The following RCAN2 variants were observed in gnomAD, a reference collection of about 807,000 sequenced individuals.
The protein encoded by RCAN2 is calcipressin-2.
Under a neutral mutation model 23.6 loss-of-function variants are expected in RCAN2, and 9 were observed. The ratio of observed to expected loss-of-function variants is 0.38; its 90% confidence interval spans 0.23 to 0.67. The LOEUF (loss-of-function observed/expected upper bound fraction) is 0.67. Ranked by LOEUF, RCAN2 falls within the 30% of genes least tolerant of loss-of-function variation. The pLI, the probability that RCAN2 is intolerant of heterozygous loss-of-function variation, is 0.51. For missense variants in RCAN2, 273 were observed against 302.3 expected (o/e 0.90, Z 0.72); for synonymous variants, 109 against 115.7 (o/e 0.94, Z 0.37).
chr6:46,412,355 C>G (rs1218627808), intron 2 of RCAN2, among the ~76,000 whole-genome samples: 1 of 152,006 alleles, frequency 6.6e-6, no homozygotes, highest in East Asian at 1.9e-4. Flanking sequence ...TGGGAATGTT[C>G]AGTAGACAAA....
chr6:46,246,600 T>C (rs1044040945), intron 4 of RCAN2, 148 bp downstream of exon 4: 3 of 677,228 alleles, frequency 4.4e-6, no homozygotes, highest in Non-Finnish European at 7.3e-6. Flanking sequence ...TTCTCATCCA[T>C]CATTCCCTCT....
chr6:46,384,000 AG>A (rs1352034051), intron 2 of RCAN2, among the ~76,000 whole-genome samples: 1 of 152,142 alleles, frequency 6.6e-6, no homozygotes, highest in South Asian at 2.1e-4. Context: ...GCAGGACAAA[AG>A]GAAAAACAGG....
intron 2 of RCAN2, among the ~76,000 whole-genome samples, chr6:46,413,652 C>T (rs904940440): frequency 5.3e-5 from 8 of 152,196 alleles, no homozygotes; most frequent in Admixed American, 2.0e-4. Flanking sequence ...TAGATCAGAG[C>T]TGGCTCCAAC....
intron 2 of RCAN2, among the ~76,000 whole-genome samples, chr6:46,357,770 A>G (rs961652631): frequency 6.6e-6 from 1 of 152,212 alleles, no homozygotes; most frequent in African/African-American, 2.4e-5. Context: ...TAACTAGGGT[A>G]CTAACACTCT....
intron 2 of RCAN2, among the ~76,000 whole-genome samples, chr6:46,312,624 A>G (rs1763299495): frequency 6.6e-6 from 1 of 152,162 alleles, no homozygotes; most frequent in African/African-American, 2.4e-5. Flanking sequence ...TCTCCCCAGA[A>G]ACCTTACCCT....
intron 2 of RCAN2, among the ~76,000 whole-genome samples, chr6:46,399,692 T>C (rs533121013): frequency 2.0e-5 from 3 of 151,988 alleles, no homozygotes; most frequent in African/African-American, 7.2e-5. Context: ...CTAGATGAGT[T>C]ACTCCAATCT....
chr6:46,290,125 G>A (rs929670326), intron 2 of RCAN2, among the ~76,000 whole-genome samples: 2 of 151,618 alleles, frequency 1.3e-5, no homozygotes, highest in African/African-American at 4.9e-5. Context: ...AGCTACCTCT[G>A]AACAGTGATG....
chr6:46,260,376 C>T (rs754564062), intron 2 of RCAN2, among the ~76,000 whole-genome samples: 18 of 152,204 alleles, frequency 1.2e-4, no homozygotes, highest in African/African-American at 3.1e-4. Flanking sequence ...GACTTGAATC[C>T]GCAAAGTTTA....
chr6:46,387,739 G>C (rs971602704), intron 2 of RCAN2, among the ~76,000 whole-genome samples: 1 of 152,028 alleles, frequency 6.6e-6, no homozygotes, highest in Non-Finnish European at 1.5e-5. Context: ...TTGACCCAGC[G>C]ATCCCATTAT....
At chr6:46,343,159 A>G (rs912697060) in intron 2 of RCAN2, among the ~76,000 whole-genome samples, 2 of 152,150 alleles carry the variant, frequency 1.3e-5, no homozygotes, top group Non-Finnish European at 2.9e-5. Flanking sequence ...AAAAGACATT[A>G]TATACAGGAG....
intron 4 of RCAN2, among the ~76,000 whole-genome samples, chr6:46,240,592 A>C (rs150597613): frequency 0.014 from 2,099 of 152,278 alleles, 49 homozygotes; most frequent in African/African-American, 0.047. Flanking sequence ...TCACTGTTTT[A>C]CTTGCCTATT....
intron 2 of RCAN2, among the ~76,000 whole-genome samples, chr6:46,250,820 A>G (rs1479416896): frequency 1.3e-5 from 2 of 152,212 alleles, no homozygotes; most frequent in Admixed American, 6.5e-5. Context: ...CTGAGGCTCC[A>G]CAGGAGGAGT....
chr6:46,483,155 T>C (rs1768909752), intron 1 of RCAN2, among the ~76,000 whole-genome samples: 1 of 152,172 alleles, frequency 6.6e-6, no homozygotes, highest in East Asian at 1.9e-4. Flanking sequence ...AGTGATCCCA[T>C]CTAGAGACAT....
intron 2 of RCAN2, among the ~76,000 whole-genome samples, chr6:46,354,731 C>T (rs1418313502): frequency 6.6e-6 from 1 of 152,210 alleles, no homozygotes; most frequent in African/African-American, 2.4e-5. Context: ...AATCTCACAA[C>T]GTTGTCCAAC....
intron 2 of RCAN2, among the ~76,000 whole-genome samples, chr6:46,337,113 G>T (rs1764169256): frequency 6.6e-6 from 1 of 151,694 alleles, no homozygotes; most frequent in Non-Finnish European, 1.5e-5. Context: ...ATACACATTT[G>T]CTCATTTCAA....
rs1334530658 is a variant in RCAN2 at position 46,256,656 on chromosome 6, C to T, written c.226-7760G>A. Among the ~76,000 whole-genome samples, 3 of 152,090 alleles carry T rather than the reference C, an allele frequency of 2.0e-5. No homozygotes were observed. In the East Asian group the frequency reaches 5.8e-4, roughly 29 times the overall value. On this transcript the variant is annotated intron_variant, in intron 2 of 4. Coordinates refer to ENST00000371374, the MANE Select transcript of RCAN2 (RefSeq NM_001251974.2). ...AGGCTTACTGTGGTTTTCCTTAAAT[C>T]TTATTCACCTCTACTATAATTATTT...
chr6:46,365,372 A>G (rs1352129443), intron 2 of RCAN2, among the ~76,000 whole-genome samples: 3 of 152,056 alleles, frequency 2.0e-5, no homozygotes, highest in African/African-American at 7.2e-5. Context: ...GCTACTCGGG[A>G]GGCTGAGGTG....
chr6:46,392,300 AAAAG>A (rs1415725183), intron 2 of RCAN2, among the ~76,000 whole-genome samples: 1 of 152,196 alleles, frequency 6.6e-6, no homozygotes, highest in Non-Finnish European at 1.5e-5. Context: ...TTGGTATGGA[AAAAG>A]AAAGAAATCT....
At chr6:46,287,773 T>C (rs1762420896) in intron 2 of RCAN2, among the ~76,000 whole-genome samples, 1 of 152,234 alleles carries the variant, frequency 6.6e-6, no homozygotes, top group African/African-American at 2.4e-5. Flanking sequence ...TTTATAGGTG[T>C]TCTGGAAAGA....
Sources: allele counts gnomAD v4.1 joint callset (sites outside exome capture counted in the v4.1 genomes callset), GRCh38; gene constraint gnomAD v4.1.1; transcripts MANE v1.5; gene names NCBI Gene and HGNC (gene_info 2026-07-23, HGNC 2026-07-21).